Variants in MBD1 observed in about 807,000 individuals in gnomAD.
MBD1 encodes methyl-CpG-binding domain protein 1.
Under a neutral mutation model 82.6 loss-of-function variants are expected in MBD1, and 25 were observed. The ratio of observed to expected loss-of-function variants is 0.30; its 90% confidence interval spans 0.22 to 0.42. MBD1 has a LOEUF of 0.42. MBD1 is among the 10% of genes least tolerant of loss of function. The probability of loss-of-function intolerance (pLI) is 1.00; values close to 1 mark genes in which losing one functional copy is unlikely to be tolerated. For missense variants in MBD1, 627 were observed against 819.6 expected (o/e 0.76, Z 2.87); for synonymous variants, 301 against 303.7 (o/e 0.99, Z 0.09).
chr18:50,267,052 T>C (rs75940161), downstream of MBD1: 432 of 157,196 alleles, frequency 2.7e-3, 2 homozygotes, highest in African/African-American at 1.0e-2. Context: ...CTCCAGAGTA[T>C]CTGGGACTAC....
chr18:50,281,238 C>T, intron 1 of MBD1, 125 bp downstream of exon 1: 1 of 1,534,344 alleles, frequency 6.5e-7, no homozygotes, highest in Non-Finnish European at 8.7e-7. Flanking sequence ...AGTATTCCGA[C>T]GCCGCCATTC....
chr18:50,276,545 C>T (rs1293067264), intron 5 of MBD1, 117 bp downstream of exon 5: 1 of 1,453,734 alleles, frequency 6.9e-7, no homozygotes, highest in East Asian at 2.3e-5. Flanking sequence ...AATATCCAAC[C>T]TCCAACCATG....
rs1404886995 is a variant in MBD1, at chr18:50,269,079, T to C, written c.*772A>G. On this transcript the variant is annotated 3_prime_UTR_variant, in exon 17 of 17. Transcript: ENST00000269468. ...TAATAAAATTGCATGGGCCGTATCT[T>C]TTGCATTTCTGTATCCTAGTATTAA... 2 of 989,116 alleles carry C rather than the reference T, an allele frequency of 2.0e-6. No homozygotes were observed. The highest frequency in any genetic ancestry group is 2.4e-6 in the Non-Finnish European group (2 of 832,130). 61.3% of individuals were successfully genotyped at this position (989,116 alleles called of 1,614,324 possible). A position where few individuals can be genotyped will look rare whatever the true frequency, so the allele number is the denominator to read the frequency against.
intron 2 of MBD1, 148 bp from the exon 3 acceptor site, chr18:50,277,352 A>G (rs1383736189): frequency 2.9e-6 from 2 of 689,862 alleles, no homozygotes; most frequent in African/African-American, 1.8e-5. Context: ...TAACCTTGAA[A>G]ACATAAAAAA....
chr18:50,274,868 T>C lies in MBD1; in HGVS notation c.978+109A>G. ...TCTACTCATCCCATCCTAGGACCCA[T>C]TATTGTGCCTTGCTGTTCCCCAATA... On this transcript the variant is annotated intron_variant, in intron 10 of 16. Transcript: ENST00000269468. The C allele has an allele frequency of 3.6e-6, 4 of 1,119,986 alleles. 1 individual carries two copies. The South Asian group carries it at 5.2e-5, about 15-fold the overall frequency. 69.4% of individuals were successfully genotyped at this position (1,119,986 alleles called of 1,614,324 possible). A position where few individuals can be genotyped will look rare whatever the true frequency, so the allele number is the denominator to read the frequency against.
intron 15 of MBD1, chr18:50,272,440 CA>C: frequency 1.7e-6 from 1 of 576,446 alleles, no homozygotes; most frequent in East Asian, 3.0e-5. Flanking sequence ...GATAGAGTAC[CA>C]AGTCTTTCCC....
At position 50,274,229 on chromosome 18, in the gene MBD1, T is replaced by C; in HGVS notation, c.1103A>G (p.Lys368Arg). The C allele has an allele frequency of 6.2e-7, 1 of 1,614,132 alleles. No homozygotes were observed. Among genetic ancestry groups the C allele is most frequent in the Non-Finnish European group, 8.5e-7 (1 of 1,180,028 alleles). Reference sequence around the variant, plus strand: ...TTGGCGCCAACGACACTTCTGGCGCTTCTGGTTGCTGCCCCCGAATTTGGG... The same window carrying C: ...TTGGCGCCAACGACACTTCTGGCGCCTCTGGTTGCTGCCCCCGAATTTGGG... ...DKPKFGGSNQKRQKCRWRQCL... is the reference protein window; with the variant it reads ...DKPKFGGSNQRRQKCRWRQCL... Residue 368 changes from lysine (K) to arginine (R), a missense_variant, in exon 11 of 17, where the codon AAG becomes AGG. By Grantham distance (26) the Lys-to-Arg change is conservative. Coordinates refer to ENST00000269468, the MANE Select transcript of MBD1 (RefSeq NM_015846.4).
chr18:50,278,184 C>A (rs977734360), intron 2 of MBD1, among the ~76,000 whole-genome samples: 1 of 152,256 alleles, frequency 6.6e-6, no homozygotes, highest in East Asian at 1.9e-4. Context: ...CAGGACTGAG[C>A]GGGATGGTGT....
In MBD1 at chr18:50,281,496, G is replaced by A. The variant is rs1323988083; in HGVS notation, c.-159C>T. 2 of 580,482 alleles carry A rather than the reference G, an allele frequency of 3.4e-6. No homozygotes were observed. The highest frequency in any genetic ancestry group is 2.9e-5 in the East Asian group (1 of 34,846). 36.0% of individuals were successfully genotyped at this position (580,482 alleles called of 1,614,324 possible). A position where few individuals can be genotyped will look rare whatever the true frequency, so the allele number is the denominator to read the frequency against. ...GGCCGCCTCCTCTGAAGCGGTAGCT[G>A]TCGCCTCCGCGGCTGTTCGTTGCTC... is the stretch of plus-strand genomic sequence containing the variant. On this transcript the variant is annotated 5_prime_UTR_variant, in exon 1 of 17. Coordinates refer to ENST00000269468, the MANE Select transcript of MBD1 (RefSeq NM_015846.4).
At chr18:50,277,349 G>C in intron 2 of MBD1, 145 bp from the exon 3 acceptor site, 1 of 689,788 alleles carries the variant, frequency 1.4e-6, no homozygotes, top group Non-Finnish European at 2.7e-6. Flanking sequence ...AACTAACCTT[G>C]AAAACATAAA....
Position 50,275,928 on chromosome 18 carries a change from G to A in MBD1, c.570C>T (p.Ala190=). 6.2e-7 allele frequency: 1 copy of A among 1,614,000 alleles called. No individual in the cohort carries two copies. The highest frequency in any genetic ancestry group is 1.1e-5 in the South Asian group (1 of 91,090). The change falls in exon 7 of 17, where the codon GCC becomes GCT. Residue 190 remains alanine (A), a synonymous_variant. Transcript: ENST00000269468. ...GCAGCTGCAGGAGGCAGGTGGAGCA[G>A]GCCCCACAGTCTTCTGTTACCTGGC... The part of the protein sequence containing the change: ...AACQVTEDCG[A]CSTCLLQLPH...
At position 50,273,695 on chromosome 18, in the gene MBD1, T is replaced by C; in HGVS notation, c.1315A>G (p.Thr439Ala). ...TAQPDHTQAP[T>A]KQEAGGGFVL... ...AAGCCACCACCTGCTTCCTGCTTCG[T>C]TGGAGCCTGGGTATGGTCTGGTTGG... The change falls in exon 12 of 17, where the codon ACG becomes GCG. Residue 439 changes from threonine to alanine, a missense_variant. Physicochemically the swap from Thr to Ala is moderately conservative, Grantham distance 58. Around this residue, in one of 6 missense-constraint regions of MBD1, gnomAD observed 265 missense variants for 278.4 expected, o/e 0.95. Coordinates refer to ENST00000269468, the MANE Select transcript of MBD1 (RefSeq NM_015846.4). 2.5e-6 allele frequency: 4 copies of C among 1,614,142 alleles called. No homozygotes were observed. The highest frequency in any genetic ancestry group is 1.1e-5 in the South Asian group (1 of 91,088).
intron 1 of MBD1, among the ~76,000 whole-genome samples, chr18:50,280,941 C>A (rs561670938): frequency 6.6e-6 from 1 of 152,254 alleles, no homozygotes; most frequent in Non-Finnish European, 1.5e-5. Context: ...CCATTCTGAT[C>A]CCCTACTGCT....
intron 16 of MBD1, 150 bp from the exon 17 acceptor site, chr18:50,269,968 T>C: frequency 1.9e-6 from 3 of 1,560,760 alleles, no homozygotes; most frequent in Non-Finnish European, 1.7e-6. Flanking sequence ...CTCCTCTGAT[T>C]GTACCCTAAC....
intron 16 of MBD1, 173 bp from the exon 17 acceptor site, chr18:50,269,991 C>T (rs777442175): frequency 1.3e-6 from 2 of 1,593,882 alleles, no homozygotes; most frequent in African/African-American, 2.7e-5. Context: ...AAATGGTCAG[C>T]AGAAGCTTAA....
intron 13 of MBD1, 113 bp downstream of exon 13, chr18:50,273,221 G>A (rs916369335): frequency 1.1e-5 from 16 of 1,456,210 alleles, no homozygotes; most frequent in Non-Finnish European, 1.5e-5. Context: ...CTGCAGAAAC[G>A]TCGCAATCAG....
downstream of MBD1, among the ~76,000 whole-genome samples, chr18:50,268,136 G>C (rs1414159304): frequency 6.6e-6 from 1 of 152,332 alleles, no homozygotes; most frequent in South Asian, 2.1e-4. Flanking sequence ...CGAGTCCAAC[G>C]GGCTCCGGGC....
intron 5 of MBD1, 102 bp downstream of exon 5, chr18:50,276,560 T>C: frequency 6.8e-7 from 1 of 1,460,028 alleles, no homozygotes; most frequent in Non-Finnish European, 9.5e-7. Flanking sequence ...ACCATGCCAG[T>C]AGCCTCTGTC....
chr18:50,272,855 T>C lies in MBD1; in HGVS notation c.1685A>G (p.Glu562Gly). 15 of 1,614,186 alleles carry C rather than the reference T, an allele frequency of 9.3e-6. No individual in the cohort carries two copies. The highest frequency in any genetic ancestry group is 1.3e-5 in the Non-Finnish European group (15 of 1,180,012). Residue 562 changes from glutamate to glycine, a missense_variant, in exon 14 of 17, where the codon GAG becomes GGG. Physicochemically the swap from Glu to Gly is moderately conservative, Grantham distance 98. This residue lies in a region of MBD1 where 265 missense variants were observed against 278.4 expected (regional missense o/e 0.95). Coordinates refer to ENST00000269468, the MANE Select transcript of MBD1 (RefSeq NM_015846.4). ...TGTGCCAGCCCCTCCTGCCTCTTCC[T>C]CTGGGGCCAATTTGGAGGCAGAATC... Reference protein sequence around the residue: ...KDDSASKLAPEEEAGGAGTPV... With the variant: ...KDDSASKLAPGEEAGGAGTPV...
Sources: allele counts gnomAD v4.1 joint callset (sites outside exome capture counted in the v4.1 genomes callset), GRCh38; gene constraint gnomAD v4.1.1; regional missense constraint gnomAD v4.1.1; transcripts MANE v1.5; gene names NCBI Gene and HGNC (gene_info 2026-07-23, HGNC 2026-07-21).